Variants in ZNF507 observed in about 807,000 individuals in gnomAD.
The protein encoded by ZNF507 is zinc finger protein 507.
A neutral mutation model predicts 80.0 loss-of-function variants in ZNF507; 29 were observed. The observed-to-expected ratio is 0.36, with a 90% CI of 0.27 to 0.49. ZNF507 has a LOEUF of 0.49. ZNF507 is among the 20% of genes least tolerant of loss of function. ZNF507 has a pLI of 0.98. For missense variants in ZNF507, 1,081 were observed against 1,152.2 expected, an observed-to-expected ratio of 0.94 and a Z score of 0.90; for synonymous variants, 462 against 422.5, an observed-to-expected ratio of 1.09 and a Z score of -1.15.
chr19:32,351,419 C>CTGTGTGTGTGTGTG (rs5823), intron 2 of ZNF507, among the ~76,000 whole-genome samples: 567 of 52,830 alleles, frequency 0.011, 21 homozygotes, highest in Non-Finnish European at 0.012. Context: ...AGCTGGTCAG[C>CTGTGTGTGTGTGTG]TGTGTGTGTG....
rs2145347834 is a variant in ZNF507 at position 32,383,062 on chromosome 19, T to C, written c.2841T>C (p.Asn947=). Residue 947 remains asparagine, a synonymous_variant, in exon 7 of 7, where the codon AAT becomes AAC. Transcript: ENST00000355898. ...IVNIILNKDH[N]TALNTN ...ACATCATCCTGAATAAGGACCACAA[T>C]ACAGCTCTAAACACAAATTAGGTGG... 2 of 1,613,652 alleles carry C rather than the reference T, an allele frequency of 1.2e-6. No homozygotes were observed. Among genetic ancestry groups the C allele is most frequent in the Non-Finnish European group, 1.7e-6 (2 of 1,179,662 alleles).
intron 5 of ZNF507, among the ~76,000 whole-genome samples, chr19:32,373,806 T>G (rs1395476707): frequency 5.9e-5 from 9 of 152,232 alleles, no homozygotes. Flanking sequence ...TTTGCTGCAC[T>G]TCGATTTTGT....
rs769935539 is a variant in ZNF507 at position 32,353,394 on chromosome 19, C to T, written c.564C>T (p.Ser188=). The T allele has an allele frequency of 2.4e-5, 39 of 1,614,060 alleles. 1 individual carries two copies. The East Asian group carries it at 8.0e-4, about 33-fold the overall frequency. Residue 188 remains serine, a synonymous_variant, in exon 3 of 7, where the codon TCC becomes TCT. Transcript: ENST00000355898. ...HDNDANIHTQ[S]KAQQCVSPSS... is the part of the protein sequence containing the mutation. ...ATGATGCCAATATCCACACCCAATC[C>T]AAAGCCCAACAGTGCGTAAGCCCCT...
Position 32,384,077 on chromosome 19 carries a change from G to A in ZNF507, c.*994G>A. On this transcript the variant is annotated 3_prime_UTR_variant, in exon 7 of 7. Coordinates refer to ENST00000355898, the MANE Select transcript of ZNF507 (RefSeq NM_001136156.2). The stretch of plus-strand genomic sequence containing the variant: ...TTAAAAGCTCCTGAAAATGAGTACT[G>A]CTGTGTTGAGCTTTTCTTTCCTGGG... 1 of 152,212 alleles carries A rather than the reference G, an allele frequency of 6.6e-6. No homozygotes were observed. The highest frequency in any genetic ancestry group is 1.9e-4 in the East Asian group (1 of 5,194). 9.4% of individuals were successfully genotyped at this position (152,212 alleles called of 1,614,324 possible).
chr19:32,345,789 G>C lies in ZNF507; in HGVS notation c.-97+6G>C, dbSNP rs1026096767. The C allele has an allele frequency of 1.3e-5, 2 of 154,142 alleles. No individual in the cohort carries two copies. The highest frequency in any genetic ancestry group is 4.8e-5 in the African/African-American group (2 of 41,456). The allele number at this position is 154,142 out of a possible 1,614,324, so 9.5% of individuals were successfully genotyped here. On this transcript the variant is annotated splice_donor_region_variant and intron_variant, in intron 1 of 6. Transcript: ENST00000355898. ...CAGCCGCCGCCTGACCGCAGGTACC[G>C]CGCCCCGGGGCCGCCCCTCCGCCCG...
In ZNF507 at chr19:32,383,099, G is replaced by A. The variant is rs762029958; in HGVS notation, c.*16G>A. 8 of 1,602,380 alleles carry A rather than the reference G, an allele frequency of 5.0e-6. No homozygotes were observed. Among genetic ancestry groups the A allele is most frequent in the South Asian group, 3.3e-5 (3 of 90,118 alleles). On this transcript the variant is annotated 3_prime_UTR_variant, in exon 7 of 7. Coordinates refer to ENST00000355898, the MANE Select transcript of ZNF507 (RefSeq NM_001136156.2). ...CACAAATTAGGTGGAATAATGACTC[G>A]AGCAGGAAAGCAGTAGAAGAGGATT...
At chr19:32,360,370 A>G (rs1967305298) in intron 4 of ZNF507, 134 bp from the exon 5 acceptor site, 1 of 483,790 alleles carries the variant, frequency 2.1e-6, no homozygotes, top group Admixed American at 4.1e-5. Context: ...CAGACTTGTT[A>G]AAACAGTGAG....
At chr19:32,381,030 GAACA>G (rs548141556) in intron 5 of ZNF507, among the ~76,000 whole-genome samples, 32 of 152,238 alleles carry the variant, frequency 2.1e-4, no homozygotes, top group East Asian at 1.5e-3. Context: ...GCAGGTGAGT[GAACA>G]AACAAACTAT....
rs750476481 is a variant in ZNF507, at chr19:32,382,554, C to T, written c.2448C>T (p.Tyr816=). The change falls in exon 6 of 7, where the codon TAC becomes TAT. Residue 816 remains tyrosine, a synonymous_variant. Coordinates refer to ENST00000355898, the MANE Select transcript of ZNF507 (RefSeq NM_001136156.2). ...ATGCAAGTGACCAAAATTACAACTACGAACAAGTAAACAAGGCTATTAACG... is the reference window on the plus strand; with the variant it reads ...ATGCAAGTGACCAAAATTACAACTATGAACAAGTAAACAAGGCTATTAACG... ...WKHASDQNYN[Y]EQVNKAINDA... 1.3e-5 allele frequency: 21 copies of T among 1,614,120 alleles called. No homozygotes were observed. Among genetic ancestry groups the T allele is most frequent in the Middle Eastern group, 1.6e-4 (1 of 6,062 alleles).
At chr19:32,359,477 C>A (rs1403560523) in intron 4 of ZNF507, 1 of 152,168 alleles carries the variant, frequency 6.6e-6, no homozygotes, top group Admixed American at 6.5e-5. Flanking sequence ...CATGAGCTTC[C>A]ATGCTTGCTT....
At chr19:32,361,760 TTCCC>T (rs1228369704) in intron 5 of ZNF507, among the ~76,000 whole-genome samples, 4 of 145,806 alleles carry the variant, frequency 2.7e-5, no homozygotes, top group Non-Finnish European at 6.1e-5. Context: ...TTTCCTTTTC[TTCCC>T]TCCCTCCCTC....
rs1967204360 is a variant in ZNF507 at position 32,353,704 on chromosome 19, G to C, written c.874G>C (p.Asp292His). Residue 292 changes from aspartate (D) to histidine (H), a missense_variant, in exon 3 of 7, where the codon GAT (aspartate) becomes CAT (histidine). By Grantham distance (81) the Asp-to-His change is moderately conservative (BLOSUM62 -1). Around this residue, in one of 6 missense-constraint regions of ZNF507, gnomAD observed 614 missense variants for 583.9 expected, o/e 1.05. Transcript: ENST00000355898. ...TGAAAATGAACCCCTAGGCCTGCTG[G>C]ATTCTTCAGCAGCTGCTGCGCCTGG... The part of the protein sequence containing the change: ...ENENEPLGLL[D>H]SSAAAAPGGV... The C allele has an allele frequency of 6.2e-7, 1 of 1,614,200 alleles. No homozygotes were observed. The highest frequency in any genetic ancestry group is 8.5e-7 in the Non-Finnish European group (1 of 1,180,042).
chr19:32,345,977 TG>T (rs1967091502), intron 1 of ZNF507, among the ~76,000 whole-genome samples, 194 bp downstream of exon 1: 1 of 152,226 alleles, frequency 6.6e-6, no homozygotes, highest in Non-Finnish European at 1.5e-5. Context: ...ACTCTGGGCT[TG>T]CCCTGCAGCT....
At position 32,383,268 on chromosome 19, in the gene ZNF507, A is replaced by T. The variant is rs1967647700; in HGVS notation, c.*185A>T. ...AATTCCAAATGGACAAGCAGTAATG[A>T]TATTTAAATATTTTGAGTGAGGGGG... On this transcript the variant is annotated 3_prime_UTR_variant, in exon 7 of 7. Transcript: ENST00000355898. 2.8e-6 allele frequency: 2 copies of T among 726,790 alleles called. No individual in the cohort carries two copies. Among genetic ancestry groups the T allele is most frequent in the Non-Finnish European group, 4.3e-6 (2 of 462,136 alleles). 45.0% of individuals were successfully genotyped at this position (726,790 alleles called of 1,614,324 possible).
intron 5 of ZNF507, 76 bp from the exon 6 acceptor site, chr19:32,382,391 T>C (rs1967634726): frequency 6.4e-7 from 1 of 1,555,876 alleles, no homozygotes; most frequent in Admixed American, 1.8e-5. Context: ...GCTATAATAA[T>C]TGTTACAGAA....
intron 5 of ZNF507, among the ~76,000 whole-genome samples, chr19:32,365,066 G>T (rs951512519): frequency 1.2e-4 from 18 of 152,144 alleles, no homozygotes; most frequent in African/African-American, 3.9e-4. Context: ...GATCATTAGT[G>T]ATGTTGCATT....
intron 2 of ZNF507, among the ~76,000 whole-genome samples, chr19:32,350,689 T>C (rs1967151557): frequency 6.6e-6 from 1 of 152,228 alleles, no homozygotes; most frequent in Admixed American, 6.5e-5. Context: ...CATTCACTTG[T>C]TAACCTCCAG....
chr19:32,381,715 T>G (rs767126344), intron 5 of ZNF507, among the ~76,000 whole-genome samples: 1 of 152,154 alleles, frequency 6.6e-6, no homozygotes, highest in Non-Finnish European at 1.5e-5. Flanking sequence ...TTTATCAATA[T>G]AGATTCATCA....
Position 32,353,996 on chromosome 19 carries a change from C to G in ZNF507, c.1166C>G (p.Pro389Arg), listed in dbSNP as rs1227982016. Reference sequence around the variant, plus strand: ...GCACAGAAAATCATCAGCAGCAGCCCCAATAAAAAAGGGCATGTTAACGTG... The same window carrying G: ...GCACAGAAAATCATCAGCAGCAGCCGCAATAAAAAAGGGCATGTTAACGTG... ...TSAQKIISSS[P>R]NKKGHVNVIV... The change falls in exon 3 of 7, where the codon CCC becomes CGC. Residue 389 changes from proline (P) to arginine (R), a missense_variant. By Grantham distance (103) the Pro-to-Arg change is moderately radical (BLOSUM62 -2). Coordinates refer to ENST00000355898, the MANE Select transcript of ZNF507 (RefSeq NM_001136156.2). 3 of 1,613,910 alleles carry G rather than the reference C, an allele frequency of 1.9e-6. No individual in the cohort carries two copies. In the East Asian group the frequency reaches 6.7e-5, roughly 36 times the overall value.
Sources: allele counts gnomAD v4.1 joint callset (sites outside exome capture counted in the v4.1 genomes callset), GRCh38; gene constraint gnomAD v4.1.1; regional missense constraint gnomAD v4.1.1; transcripts MANE v1.5; gene names NCBI Gene and HGNC (gene_info 2026-07-23, HGNC 2026-07-21).